Variants in DDX31 observed in about 807,000 individuals in gnomAD.
The protein encoded by DDX31 is ATP-dependent DNA helicase DDX31.
Under a neutral mutation model 91.3 loss-of-function variants are expected in DDX31, and 70 were observed. The observed-to-expected ratio is 0.77, with a 90% CI of 0.63 to 0.94. The LOEUF (loss-of-function observed/expected upper bound fraction) is 0.94. Among genes scored for constraint, DDX31 ranks in the 40% least tolerant of loss-of-function variants. DDX31 has a pLI of 0.00. For missense variants in DDX31, 902 were observed against 925.0 expected (o/e 0.98, Z 0.32); for synonymous variants, 362 against 350.6 (o/e 1.03, Z -0.36).
chr9:132,665,511 G>C (rs1011673158), intron 1 of DDX31, among the ~76,000 whole-genome samples: 17 of 152,296 alleles, frequency 1.1e-4, no homozygotes, highest in South Asian at 6.2e-4. Context: ...TGGCAAAGGA[G>C]AGGGAGGCAA....
intron 14 of DDX31, among the ~76,000 whole-genome samples, chr9:132,633,337 C>T (rs1345062480): frequency 1.3e-5 from 2 of 152,030 alleles, no homozygotes; most frequent in African/African-American, 2.4e-5. Context: ...TGCTCTTGAC[C>T]CAGAGCAGTA....
Position 132,600,423 on chromosome 9 carries a change from G to C in DDX31, c.1995-5311C>G, listed in dbSNP as rs547511773. ...TCCTAGGAGGGGTTCTGTGGACACA[G>C]AGGCTGGTGAAAAGTGGACTTCAGC... On this transcript the variant is annotated intron_variant, in intron 19 of 19. Coordinates refer to ENST00000372159, the MANE Select transcript of DDX31 (RefSeq NM_022779.9). 4.6e-5 allele frequency among the ~76,000 whole-genome samples: 7 copies of C among 152,322 alleles called. No individual in the cohort carries two copies. In the South Asian group the frequency reaches 1.5e-3, roughly 32 times the overall value.
At position 132,662,293 on chromosome 9, in the gene DDX31, C is replaced by A. The variant is rs1835016844; in HGVS notation, c.376G>T (p.Ala126Ser). ...GGGTGGAGGCCCAGCTCATGAAAAG[C>A]AGCTGAAGTAAACACTTTTTCTTGC... ...QVQEKVFTSA[A>S]FHELGLHPHL... The change falls in exon 3 of 20, where the codon GCT becomes TCT. Residue 126 changes from alanine (A) to serine (S), a missense_variant. Ala to Ser is a moderately conservative substitution (Grantham distance 99). Transcript: ENST00000372159. 3.1e-6 allele frequency: 5 copies of A among 1,614,096 alleles called. No homozygotes were observed. Among genetic ancestry groups the A allele is most frequent in the Non-Finnish European group, 4.2e-6 (5 of 1,180,044 alleles).
chr9:132,649,414 G>A (rs1044336384), intron 9 of DDX31, among the ~76,000 whole-genome samples: 30 of 152,180 alleles, frequency 2.0e-4, no homozygotes, highest in African/African-American at 7.0e-4. Flanking sequence ...TGGAGTGCCT[G>A]CAACTATCTA....
At chr9:132,643,718 C>T (rs112372338) in intron 13 of DDX31, among the ~76,000 whole-genome samples, 42 of 152,322 alleles carry the variant, frequency 2.8e-4, no homozygotes, top group African/African-American at 9.4e-4. Flanking sequence ...GGAATGATAT[C>T]CGAACCCAGG....
rs555566354 is a variant in DDX31 at position 132,650,622 on chromosome 9, G to A, written c.676-324C>T. On this transcript the variant is annotated intron_variant, in intron 8 of 19. Coordinates refer to ENST00000372159, the MANE Select transcript of DDX31 (RefSeq NM_022779.9). ...GTCAGTAAGTCTACTGCCATTTTTG[G>A]GGTTAAGATAAAAACCCAAGCAACA... 3.3e-5 allele frequency among the ~76,000 whole-genome samples: 5 copies of A among 152,122 alleles called. No individual in the cohort carries two copies. The East Asian group carries it at 9.7e-4, about 29-fold the overall frequency.
At chr9:132,620,766 T>C (rs528876283) in intron 17 of DDX31, among the ~76,000 whole-genome samples, 4 of 152,108 alleles carry the variant, frequency 2.6e-5, no homozygotes. Flanking sequence ...CCCCGACAGG[T>C]AAAATGCTCC....
chr9:132,627,711 G>A (rs1052685512), intron 16 of DDX31, among the ~76,000 whole-genome samples: 1 of 152,208 alleles, frequency 6.6e-6, no homozygotes, highest in African/African-American at 2.4e-5. Flanking sequence ...AATGGCCCAG[G>A]AACCTGTCTC....
rs925816265 is a variant in DDX31 at position 132,627,938 on chromosome 9, T to C, written c.1632-2193A>G. Among the ~76,000 whole-genome samples, 68 of 152,314 alleles carry C rather than the reference T, an allele frequency of 4.5e-4. 1 individual carries two copies. The highest frequency in any genetic ancestry group is 3.4e-3 in the Middle Eastern group (1 of 294). On this transcript the variant is annotated intron_variant, in intron 16 of 19. Coordinates refer to ENST00000372159, the MANE Select transcript of DDX31 (RefSeq NM_022779.9). Reference sequence around the variant, plus strand: ...ACATGCTTCCTCCTCAAAAAATATTTAGGAGTCGACCTTTTGGATTCTAGA... The same window carrying C: ...ACATGCTTCCTCCTCAAAAAATATTCAGGAGTCGACCTTTTGGATTCTAGA...
chr9:132,612,008 T>G, intron 19 of DDX31, 79 bp downstream of exon 19: 6 of 1,531,830 alleles, frequency 3.9e-6, no homozygotes, highest in Non-Finnish European at 5.3e-6. Flanking sequence ...AGAGTTGCGG[T>G]GAGCATGGCA....
In DDX31 at chr9:132,594,033, C is replaced by T. The variant is rs879416094; in HGVS notation, c.*833G>A. On this transcript the variant is annotated 3_prime_UTR_variant, in exon 20 of 20. Transcript: ENST00000372159. The stretch of plus-strand genomic sequence containing the variant: ...AATGCAGGGGCAGGGCGGGGTGGGT[C>T]GGGGGCGGGGGGCGGGCAGCTGTGG... The T allele has an allele frequency of 2.0e-3, 10 of 5,012 alleles. No individual in the cohort carries two copies. Among genetic ancestry groups the T allele is most frequent in the East Asian group, 6.0e-3 (1 of 166 alleles). 0.3% of individuals were successfully genotyped at this position (5,012 alleles called of 1,614,324 possible).
Position 132,593,179 on chromosome 9 carries a change from T to C in DDX31, c.*1687A>G, listed in dbSNP as rs572612243. ...AGTTAGCAGATTAAGTGTGTAAGTT[T>C]TGATCTTGGAATTATCGTCACTCAC... On this transcript the variant is annotated 3_prime_UTR_variant, in exon 20 of 20. Coordinates refer to ENST00000372159, the MANE Select transcript of DDX31 (RefSeq NM_022779.9). The C allele has an allele frequency of 6.6e-6, 1 of 152,334 alleles. No individual in the cohort carries two copies. The highest frequency in any genetic ancestry group is 1.9e-4 in the East Asian group (1 of 5,186). The allele number at this position is 152,334 out of a possible 1,614,324, so 9.4% of individuals were successfully genotyped here.
At chr9:132,637,070 G>A (rs1404697544) in intron 14 of DDX31, among the ~76,000 whole-genome samples, 1 of 152,132 alleles carries the variant, frequency 6.6e-6, no homozygotes, top group Non-Finnish European at 1.5e-5. Flanking sequence ...GTAAGAACTG[G>A]TATCATGGCA....
chr9:132,645,655 G>C (rs1227188329), intron 13 of DDX31, among the ~76,000 whole-genome samples: 1 of 152,166 alleles, frequency 6.6e-6, no homozygotes, highest in African/African-American at 2.4e-5. Flanking sequence ...GAAGAGACCA[G>C]CTCCCAGAGC....
chr9:132,613,282 C>A (rs1166434391), intron 18 of DDX31, among the ~76,000 whole-genome samples: 245 of 152,286 alleles, frequency 1.6e-3, no homozygotes, highest in African/African-American at 5.6e-3. Flanking sequence ...GGGAATGAAA[C>A]AAATGTTTAA....
chr9:132,611,161 G>A lies in DDX31; in HGVS notation c.1994+926C>T, dbSNP rs535808908. Among the ~76,000 whole-genome samples, 7 of 152,268 alleles carry A rather than the reference G, an allele frequency of 4.6e-5. No homozygotes were observed. In the East Asian group the frequency reaches 9.7e-4, roughly 21 times the overall value. On this transcript the variant is annotated intron_variant, in intron 19 of 19. Transcript: ENST00000372159. ...TCCCAGAGTCAGTGGGGGAGCCTGC[G>A]GCGTTTGTAAATTAACGTGGAAAAG... is the stretch of plus-strand genomic sequence containing the variant.
chr9:132,645,089 A>G (rs141203008), intron 13 of DDX31, among the ~76,000 whole-genome samples: 7 of 152,272 alleles, frequency 4.6e-5, no homozygotes, highest in Middle Eastern at 3.4e-3. Flanking sequence ...CCTGATTTCT[A>G]GTTTTCTTTC....
intron 13 of DDX31, 33 bp downstream of exon 13, chr9:132,645,862 G>A (rs1833797531): frequency 6.3e-7 from 1 of 1,588,064 alleles, no homozygotes; most frequent in Non-Finnish European, 8.6e-7. Flanking sequence ...TGGGGCCGCA[G>A]TGTTGTCGCT....
intron 19 of DDX31, among the ~76,000 whole-genome samples, chr9:132,605,303 T>C (rs931489138): frequency 2.0e-5 from 3 of 152,264 alleles, no homozygotes; most frequent in Non-Finnish European, 4.4e-5. Context: ...GGGTTGAGCA[T>C]CTCAAATCTG....
Sources: allele counts gnomAD v4.1 joint callset (sites outside exome capture counted in the v4.1 genomes callset), GRCh38; gene constraint gnomAD v4.1.1; transcripts MANE v1.5; gene names NCBI Gene and HGNC (gene_info 2026-07-23, HGNC 2026-07-21).